Variants in POMC observed in about 807,000 individuals in gnomAD.
The protein encoded by POMC is pro-opiomelanocortin.
Under a neutral mutation model 18.5 loss-of-function variants are expected in POMC, and 19 were observed. The observed-to-expected ratio is 1.03, with a 90% CI of 0.72 to 1.51. The LOEUF is 1.51. Ranked by LOEUF, POMC falls within the 40% of genes most tolerant of loss-of-function variation. POMC has a pLI of 0.00. For synonymous variants in POMC, 179 were observed against 161.9 expected, an observed-to-expected ratio of 1.11 and a Z score of -0.80; for missense variants, 451 against 379.0, an observed-to-expected ratio of 1.19 and a Z score of -1.58.
chr2:25,162,675 C>T (rs1671432898), intron 2 of POMC, among the ~76,000 whole-genome samples: 1 of 152,032 alleles, frequency 6.6e-6, no homozygotes, highest in Non-Finnish European at 1.5e-5. Flanking sequence ...CGCCACTGCA[C>T]TCCAGCCTGG....
At chr2:25,166,162 G>GCCC (rs1671546213) in intron 1 of POMC, among the ~76,000 whole-genome samples, 2 of 152,206 alleles carry the variant, frequency 1.3e-5, no homozygotes, top group Non-Finnish European at 2.9e-5. Flanking sequence ...CCCAGGCGCT[G>GCCC]GGCCTGCACG....
intron 2 of POMC, among the ~76,000 whole-genome samples, chr2:25,163,582 G>T (rs766324673): frequency 2.0e-5 from 3 of 152,208 alleles, no homozygotes; most frequent in South Asian, 2.1e-4. Context: ...ATGGCAACAA[G>T]ATTAAAATTC....
chr2:25,160,970 G>C lies in POMC; in HGVS notation c.*111C>G. 1 of 1,536,904 alleles carries C rather than the reference G, an allele frequency of 6.5e-7. No individual in the cohort carries two copies. The stretch of plus-strand genomic sequence containing the variant: ...TAACTACAGGCAGCTTTAAGAGGCT[G>C]ATTATCTGCCACGACCCCCCAGGCT... On this transcript the variant is annotated 3_prime_UTR_variant, in exon 3 of 3. Transcript: ENST00000395826.
chr2:25,162,839 T>C (rs1378364563), intron 2 of POMC, among the ~76,000 whole-genome samples: 5 of 152,266 alleles, frequency 3.3e-5, no homozygotes, highest in African/African-American at 9.6e-5. Context: ...CTTGGTTCTT[T>C]CACGACTTCT....
In POMC at chr2:25,168,017, G is replaced by C. The variant is rs1434450500; in HGVS notation, c.-21+481C>G. Among the ~76,000 whole-genome samples, 1 of 152,324 alleles carries C rather than the reference G, an allele frequency of 6.6e-6. No individual in the cohort carries two copies. The highest frequency in any genetic ancestry group is 2.4e-5 in the African/African-American group (1 of 41,574). ...AAAAATACAAAAATTAGCCGGGCGT[G>C]GTGGCGCATGCCTGTAATCCCAGCT... On this transcript the variant is annotated intron_variant, in intron 1 of 2. Transcript: ENST00000395826. The surrounding 1 kb of genome is among the most constrained non-coding windows in gnomAD (Gnocchi z 5.2).
At chr2:25,166,580 G>T (rs1346122302) in intron 1 of POMC, among the ~76,000 whole-genome samples, 2 of 152,182 alleles carry the variant, frequency 1.3e-5, no homozygotes, top group African/African-American at 4.8e-5. Flanking sequence ...TTCAATTCTT[G>T]TCAAAGATAA....
intron 1 of POMC, among the ~76,000 whole-genome samples, chr2:25,167,672 G>A (rs1354842826): frequency 6.6e-6 from 1 of 152,144 alleles, no homozygotes; most frequent in African/African-American, 2.4e-5. Flanking sequence ...CCTCGGGTGC[G>A]CTAAGGTGGG....
At position 25,161,574 on chromosome 2, in the gene POMC, C is replaced by T. The variant is rs989818398; in HGVS notation, c.311G>A (p.Arg104His). 21 of 1,563,642 alleles carry T rather than the reference C, an allele frequency of 1.3e-5. No homozygotes were observed. The South Asian group carries it at 1.5e-4, about 11-fold the overall frequency. ...SSGSSGAGQK[R>H]EDVSAGEDCG... is the part of the protein sequence containing the mutation. The stretch of plus-strand genomic sequence containing the variant: ...GTCTTCGCCCGCTGAGACGTCCTCG[C>T]GCTTCTGCCCTGCGCCGCTGCTGCC... Residue 104 changes from arginine (R) to histidine (H), a missense_variant, in exon 3 of 3, where the codon CGC becomes CAC. Coordinates refer to ENST00000395826, the MANE Select transcript of POMC (RefSeq NM_000939.4). The surrounding 1 kb of genome is among the most constrained non-coding windows in gnomAD (Gnocchi z 5.7).
chr2:25,162,957 A>C (rs1404415119), intron 2 of POMC, among the ~76,000 whole-genome samples: 1 of 151,582 alleles, frequency 6.6e-6, no homozygotes, highest in Non-Finnish European at 1.5e-5. Context: ...TTTCCATTGC[A>C]CCGTCTGTGG....
Position 25,168,473 on chromosome 2 carries a change from C to G in POMC, c.-21+25G>C, listed in dbSNP as rs1480565375. 1 of 152,190 alleles carries G rather than the reference C, an allele frequency of 6.6e-6. No homozygotes were observed. Among genetic ancestry groups the G allele is most frequent in the Non-Finnish European group, 1.5e-5 (1 of 68,048 alleles). The allele number at this position is 152,190 out of a possible 1,614,324, so 9.4% of individuals were successfully genotyped here. A position where few individuals can be genotyped will look rare whatever the true frequency, so the allele number is the denominator to read the frequency against. ...GACAGGGGATCCCGGGGAAAGAGCA[C>G]GGGTCCCCCACGCTGCGCCCTTACC... is the stretch of plus-strand genomic sequence containing the variant. On this transcript the variant is annotated intron_variant, in intron 1 of 2. Coordinates refer to ENST00000395826, the MANE Select transcript of POMC (RefSeq NM_000939.4). This position sits in a 1 kb window ranked among gnomAD's most constrained non-coding sequence, Gnocchi z 5.2.
At chr2:25,167,919 C>T (rs1306940105) in intron 1 of POMC, among the ~76,000 whole-genome samples, 1 of 152,156 alleles carries the variant, frequency 6.6e-6, no homozygotes, top group Non-Finnish European at 1.5e-5. Context: ...TTTGGGGGGC[C>T]AAGGCGGGCG....
rs121918111 is a variant in POMC, at chr2:25,161,572, C to A, written c.313G>T (p.Glu105Ter). ...CAGTCTTCGCCCGCTGAGACGTCCTCGCGCTTCTGCCCTGCGCCGCTGCTG... is the reference window on the plus strand; with the variant it reads ...CAGTCTTCGCCCGCTGAGACGTCCTAGCGCTTCTGCCCTGCGCCGCTGCTG... The part of the protein sequence containing the change: ...SGSSGAGQKR[E>*]DVSAGEDCGP... Residue 105 changes from glutamate to a stop codon, truncating the protein, a stop_gained, in exon 3 of 3, where the codon GAG (glutamate) becomes TAG (stop). Coordinates refer to ENST00000395826, the MANE Select transcript of POMC (RefSeq NM_000939.4). LOFTEE classifies it high-confidence loss of function. This position sits in a 1 kb window ranked among gnomAD's most constrained non-coding sequence, Gnocchi z 5.7. 1.9e-6 allele frequency: 3 copies of A among 1,555,350 alleles called. No individual in the cohort carries two copies. The highest frequency in any genetic ancestry group is 1.4e-5 in the African/African-American group (1 of 71,618).
intron 2 of POMC, among the ~76,000 whole-genome samples, chr2:25,162,338 T>A (rs1370682226): frequency 6.6e-6 from 1 of 152,064 alleles, no homozygotes; most frequent in Non-Finnish European, 1.5e-5. Context: ...TAATCCCAGC[T>A]ACTCTGGAGC....
At position 25,168,262 on chromosome 2, in the gene POMC, A is replaced by T. The variant is rs1671625052; in HGVS notation, c.-21+236T>A. Among the ~76,000 whole-genome samples the T allele has an allele frequency of 1.3e-5, 2 of 152,004 alleles. No individual in the cohort carries two copies. The highest frequency in any genetic ancestry group is 3.9e-4 in the East Asian group (2 of 5,156). Reference sequence around the variant, plus strand: ...AGAGGAGGCCGCCGGCTCCCTGGAGACAGCGCCTGCAGCTTCGCGGCCGTC... The same window carrying T: ...AGAGGAGGCCGCCGGCTCCCTGGAGTCAGCGCCTGCAGCTTCGCGGCCGTC... On this transcript the variant is annotated intron_variant, in intron 1 of 2. Coordinates refer to ENST00000395826, the MANE Select transcript of POMC (RefSeq NM_000939.4). The surrounding 1 kb of genome is among the most constrained non-coding windows in gnomAD (Gnocchi z 5.2).
In POMC at chr2:25,161,788, G is replaced by T; in HGVS notation, c.133-36C>A. 1.9e-6 allele frequency: 3 copies of T among 1,556,624 alleles called. No homozygotes were observed. Among genetic ancestry groups the T allele is most frequent in the Non-Finnish European group, 2.6e-6 (3 of 1,152,740 alleles). On this transcript the variant is annotated intron_variant, in intron 2 of 2. Transcript: ENST00000395826. The surrounding 1 kb of genome is among the most constrained non-coding windows in gnomAD (Gnocchi z 5.7). Reference sequence around the variant, plus strand: ...ACGCGAGGGCATGAGGGCAGCCCGTGCCCCGCACCCCGGCCCGGCTGCCGC... The same window carrying T: ...ACGCGAGGGCATGAGGGCAGCCCGTTCCCCGCACCCCGGCCCGGCTGCCGC...
At position 25,161,420 on chromosome 2, in the gene POMC, G is replaced by A; in HGVS notation, c.465C>T (p.Arg155=). The A allele has an allele frequency of 6.2e-7, 1 of 1,610,418 alleles. No individual in the cohort carries two copies. The highest frequency in any genetic ancestry group is 8.5e-7 in the Non-Finnish European group (1 of 1,179,004). The change falls in exon 3 of 3, where the codon CGC becomes CGT. Residue 155 remains arginine (R), a synonymous_variant. Coordinates refer to ENST00000395826, the MANE Select transcript of POMC (RefSeq NM_000939.4). This position sits in a 1 kb window ranked among gnomAD's most constrained non-coding sequence, Gnocchi z 5.7. The part of the protein sequence containing the change: ...RWGKPVGKKR[R]PVKVYPNGAE... ...CGCCGTTAGGGTACACCTTCACTGG[G>A]CGCCGCTTCTTGCCCACCGGCTTGC... is the stretch of plus-strand genomic sequence containing the variant.
At position 25,161,813 on chromosome 2, in the gene POMC, C is replaced by T. The variant is rs1671400692; in HGVS notation, c.133-61G>A. The T allele has an allele frequency of 5.9e-6, 9 of 1,520,744 alleles. No homozygotes were observed. Among genetic ancestry groups the T allele is most frequent in the Admixed American group, 2.1e-5 (1 of 48,638 alleles). The allele number at this position is 1,520,744 out of a possible 1,614,324, so 94.2% of individuals were successfully genotyped here. On this transcript the variant is annotated intron_variant, in intron 2 of 2. Coordinates refer to ENST00000395826, the MANE Select transcript of POMC (RefSeq NM_000939.4). The surrounding 1 kb of genome is among the most constrained non-coding windows in gnomAD (Gnocchi z 5.7). Reference sequence around the variant, plus strand: ...GCCCCGCACCCCGGCCCGGCTGCCGCGCCCGTCACTGCGCCTAGGCCCTGG... The same window carrying T: ...GCCCCGCACCCCGGCCCGGCTGCCGTGCCCGTCACTGCGCCTAGGCCCTGG...
chr2:25,162,774 C>T (rs1393843149), intron 2 of POMC, among the ~76,000 whole-genome samples: 2 of 152,066 alleles, frequency 1.3e-5, no homozygotes, highest in African/African-American at 4.8e-5. Flanking sequence ...TGATGAAAAA[C>T]CTACTTTATG....
At position 25,161,612 on chromosome 2, in the gene POMC, G is replaced by A. The variant is rs142859402; in HGVS notation, c.273C>T (p.Asn91=). The A allele has an allele frequency of 1.0e-5, 16 of 1,554,960 alleles. No homozygotes were observed. Among genetic ancestry groups the A allele is most frequent in the Non-Finnish European group, 1.4e-5 (16 of 1,149,466 alleles). ...CGCCGCTGCTGCCGCTGCTGCTGCTGTTGCGGCGGCCGAATCGGTCCCAGC... is the reference window on the plus strand; with the variant it reads ...CGCCGCTGCTGCCGCTGCTGCTGCTATTGCGGCGGCCGAATCGGTCCCAGC... ...HFRWDRFGRR[N]SSSSGSSGAG... The change falls in exon 3 of 3, where the codon AAC becomes AAT. Residue 91 remains asparagine (N), a synonymous_variant. Transcript: ENST00000395826. This position sits in a 1 kb window ranked among gnomAD's most constrained non-coding sequence, Gnocchi z 5.7.
Sources: allele counts gnomAD v4.1 joint callset (sites outside exome capture counted in the v4.1 genomes callset), GRCh38; gene constraint gnomAD v4.1.1; non-coding constraint Gnocchi (gnomAD v3.1); transcripts MANE v1.5; gene names NCBI Gene and HGNC (gene_info 2026-07-23, HGNC 2026-07-21).